Variants in EFCAB5 observed in about 807,000 individuals in gnomAD.
EFCAB5 encodes the protein EF-hand calcium-binding domain-containing protein 5.
EFCAB5 carries 131 observed loss-of-function variants against 167.9 expected under a neutral mutation model. The ratio of observed to expected loss-of-function variants is 0.78; its 90% CI spans 0.68 to 0.90. The LOEUF is 0.90. Among genes scored for constraint, EFCAB5 ranks in the 40% least tolerant of loss-of-function variants. EFCAB5 has a pLI of 0.00. For missense variants in EFCAB5, 1,663 were observed against 1,745.2 expected (o/e 0.95, Z 0.84); for synonymous variants, 574 against 602.8 (o/e 0.95, Z 0.70).
chr17:30,105,903 G>C (rs2071443471), intron 22 of EFCAB5, among the ~76,000 whole-genome samples: 1 of 152,140 alleles, frequency 6.6e-6, no homozygotes, highest in Non-Finnish European at 1.5e-5. Flanking sequence ...TGAGACTTGT[G>C]AATGTTTTCC....
intron 8 of EFCAB5, among the ~76,000 whole-genome samples, chr17:30,050,099 T>A (rs1339421425): frequency 6.6e-6 from 1 of 152,088 alleles, no homozygotes; most frequent in East Asian, 1.9e-4. Flanking sequence ...ATAAAAGCAA[T>A]TTGAAGAAAG....
At chr17:30,011,843 G>C (rs984959140) in intron 7 of EFCAB5, among the ~76,000 whole-genome samples, 2 of 152,108 alleles carry the variant, frequency 1.3e-5, no homozygotes, top group African/African-American at 4.8e-5. Flanking sequence ...GACGCGAGCT[G>C]TTCCAGTATA....
intron 7 of EFCAB5, among the ~76,000 whole-genome samples, chr17:30,027,885 T>C (rs1055341616): frequency 4.6e-5 from 7 of 152,190 alleles, no homozygotes; most frequent in African/African-American, 1.4e-4. Context: ...ACTATGAGAC[T>C]ATATAAAGCA....
At chr17:30,068,840 G>T (rs887247133) in intron 14 of EFCAB5, 5 of 1,413,174 alleles carry the variant, frequency 3.5e-6, no homozygotes, top group Non-Finnish European at 5.0e-6. Context: ...CTGGAACACA[G>T]GAAAGATTAT....
intron 7 of EFCAB5, among the ~76,000 whole-genome samples, chr17:30,020,510 G>A (rs565761766): frequency 8.5e-4 from 129 of 151,914 alleles, no homozygotes; most frequent in Middle Eastern, 3.4e-3. Context: ...GATTACAGGC[G>A]TGTGCCACCA....
chr17:30,033,203 C>T (rs1396356749), intron 7 of EFCAB5, among the ~76,000 whole-genome samples: 3 of 152,088 alleles, frequency 2.0e-5, no homozygotes, highest in Admixed American at 6.5e-5. Context: ...CTCAGCTTCC[C>T]GAGTAGCTGG....
chr17:30,073,756 C>A, intron 14 of EFCAB5: 1 of 673,706 alleles, frequency 1.5e-6, no homozygotes, highest in Non-Finnish European at 2.8e-6. Flanking sequence ...CTATGCATCC[C>A]ATACTCCTAT....
chr17:29,970,148 T>C (rs1239398480), intron 4 of EFCAB5, among the ~76,000 whole-genome samples: 3 of 152,220 alleles, frequency 2.0e-5, no homozygotes, highest in South Asian at 2.1e-4. Context: ...CTTTATCCTT[T>C]TTCAAATGTC....
chr17:29,952,266 C>T (rs909571642), intron 3 of EFCAB5, among the ~76,000 whole-genome samples: 2 of 152,200 alleles, frequency 1.3e-5, no homozygotes, highest in South Asian at 2.1e-4. Flanking sequence ...GAAGGCAAAG[C>T]CCTCATGACT....
At chr17:30,051,663 T>C (rs1205864818) in intron 9 of EFCAB5, among the ~76,000 whole-genome samples, 1 of 152,124 alleles carries the variant, frequency 6.6e-6, no homozygotes, top group Non-Finnish European at 1.5e-5. Flanking sequence ...TGGGAGATGA[T>C]TCTCCCACCT....
At position 30,089,133 on chromosome 17, in the gene EFCAB5, C is replaced by T. The variant is rs183842398; in HGVS notation, c.3684-1288C>T. On this transcript the variant is annotated intron_variant, in intron 19 of 22. Coordinates refer to ENST00000394835, the MANE Select transcript of EFCAB5 (RefSeq NM_198529.4). ...AGGCCCCGGTGTGTGATGTTCCCCA[C>T]CCTGTGTCCAAGTGTTCTCATTGTT... Among the ~76,000 whole-genome samples the T allele has an allele frequency of 7.2e-5, 11 of 152,104 alleles. No homozygotes were observed. The East Asian group carries it at 2.1e-3, about 29-fold the overall frequency.
upstream of EFCAB5, among the ~76,000 whole-genome samples, chr17:29,938,978 G>A (rs570999379): frequency 2.2e-4 from 33 of 152,204 alleles, no homozygotes; most frequent in South Asian, 8.3e-4. Flanking sequence ...TTTCAAGAAG[G>A]TTTTCAATTT....
At chr17:30,034,535 C>T (rs2069568065) in intron 8 of EFCAB5, 150 bp downstream of exon 8, 2 of 832,734 alleles carry the variant, frequency 2.4e-6, no homozygotes, top group Non-Finnish European at 3.6e-6. Context: ...CCCATATCTA[C>T]AAAATAGATA....
intron 4 of EFCAB5, among the ~76,000 whole-genome samples, chr17:29,986,716 G>A (rs1340659294): frequency 5.5e-5 from 7 of 127,060 alleles, no homozygotes; most frequent in South Asian, 2.5e-4. Context: ...GCGCAATCTC[G>A]GCTCACTGCA....
At chr17:30,019,447 CTTT>C (rs763717475) in intron 7 of EFCAB5, among the ~76,000 whole-genome samples, 6 of 140,382 alleles carry the variant, frequency 4.3e-5, no homozygotes, top group Non-Finnish European at 4.7e-5. Flanking sequence ...CTCCCTCTCT[CTTT>C]TTTTTTTTTT....
At position 29,987,232 on chromosome 17, in the gene EFCAB5, C is replaced by T. The variant is rs9893417; in HGVS notation, c.768-5933C>T. On this transcript the variant is annotated intron_variant, in intron 4 of 22. Transcript: ENST00000394835. ...CTGTCCCCAGGTAGGTGGCTGTGTT[C>T]GACAGGTGTTGCTTGTGACAGTTGG... Among the ~76,000 whole-genome samples the T allele has an allele frequency of 6.5e-3, 994 of 152,190 alleles. 5 individuals carry two copies. Among genetic ancestry groups the T allele is most frequent in the African/African-American group, 0.022 (919 of 41,528 alleles).
At chr17:29,992,318 T>G (rs1463210741) in intron 4 of EFCAB5, among the ~76,000 whole-genome samples, 1 of 152,194 alleles carries the variant, frequency 6.6e-6, no homozygotes, top group Non-Finnish European at 1.5e-5. Context: ...TTCTTTCTTT[T>G]TAAAGGCTGT....
At chr17:29,994,752 A>C (rs752044364) in intron 5 of EFCAB5, among the ~76,000 whole-genome samples, 4 of 152,098 alleles carry the variant, frequency 2.6e-5, no homozygotes, top group Non-Finnish European at 5.9e-5. Context: ...CTCAAATACT[A>C]TCTTGGTGCA....
intron 3 of EFCAB5, among the ~76,000 whole-genome samples, chr17:29,961,537 G>T (rs887069290): frequency 1.3e-5 from 2 of 151,968 alleles, no homozygotes; most frequent in African/African-American, 4.8e-5. Context: ...AAAGCCAGTG[G>T]CATGAAGATT....
Sources: allele counts gnomAD v4.1 joint callset (sites outside exome capture counted in the v4.1 genomes callset), GRCh38; gene constraint gnomAD v4.1.1; transcripts MANE v1.5; gene names NCBI Gene and HGNC (gene_info 2026-07-23, HGNC 2026-07-21).